VWDE: variants seen among roughly 807,000 people sequenced by gnomAD.
VWDE encodes the protein von Willebrand factor D and EGF domains.
A neutral mutation model predicts 178.4 loss-of-function variants in VWDE; 207 were observed. The ratio of observed to expected loss-of-function variants is 1.16; its 90% confidence interval spans 1.04 to 1.30. VWDE has a LOEUF of 1.30. VWDE is among the 50% of genes most tolerant of loss of function. The pLI is 0.00. For synonymous variants in VWDE, 738 were observed against 651.4 expected (o/e 1.13, Z -2.02); for missense variants, 2,287 against 1,901.3 (o/e 1.20, Z -3.77).
At chr7:12,347,663 G>C (rs1781680458) in intron 19 of VWDE, among the ~76,000 whole-genome samples, 1 of 152,048 alleles carries the variant, frequency 6.6e-6, no homozygotes, top group African/African-American at 2.4e-5. Flanking sequence ...GTAATTTATA[G>C]ATTCAATGCC....
intron 18 of VWDE, among the ~76,000 whole-genome samples, chr7:12,352,224 A>T (rs1031883600): frequency 2.5e-4 from 38 of 152,296 alleles, no homozygotes; most frequent in African/African-American, 8.9e-4. Flanking sequence ...ACCTTCCTTC[A>T]GTTGAATTCA....
At position 12,377,921 on chromosome 7, in the gene VWDE, C is replaced by A; in HGVS notation, c.880-1G>T. On this transcript the variant is annotated splice_acceptor_variant, in intron 6 of 28. Coordinates refer to ENST00000275358, the MANE Select transcript of VWDE (RefSeq NM_001135924.3). LOFTEE classifies it high-confidence loss of function. Reference sequence around the variant, plus strand: ...ATATAGTGCTCAATTCAGGCTGTAGCTGGTATAAGAAAATACGTAGAAAAA... The same window carrying A: ...ATATAGTGCTCAATTCAGGCTGTAGATGGTATAAGAAAATACGTAGAAAAA... 1 of 1,394,202 alleles carries A rather than the reference C, an allele frequency of 7.2e-7. No homozygotes were observed. The highest frequency in any genetic ancestry group is 1.9e-5 in the South Asian group (1 of 53,356). 86.4% of individuals were successfully genotyped at this position (1,394,202 alleles called of 1,614,324 possible).
chr7:12,360,035 T>A lies in VWDE; in HGVS notation c.3160-343A>T, dbSNP rs1455251613. Among the ~76,000 whole-genome samples, 9 of 152,168 alleles carry A rather than the reference T, an allele frequency of 5.9e-5. No homozygotes were observed. The East Asian group carries it at 1.7e-3, about 29-fold the overall frequency. ...TTATTCATAAAGAAATAAAACCAAC[T>A]TCTTTTTTTTCCTCCACAATTTATA... On this transcript the variant is annotated intron_variant, in intron 15 of 28. Coordinates refer to ENST00000275358, the MANE Select transcript of VWDE (RefSeq NM_001135924.3).
intron 19 of VWDE, among the ~76,000 whole-genome samples, chr7:12,347,485 TA>T (rs1474707920): frequency 6.6e-6 from 1 of 152,082 alleles, no homozygotes; most frequent in Non-Finnish European, 1.5e-5. Context: ...TTACAGATAC[TA>T]AAATGTAGTA....
chr7:12,356,128 C>A lies in VWDE; in HGVS notation c.3728G>T (p.Cys1243Phe), dbSNP rs932962306. ...AATCTTACCTTTGAGCTCAGGTGGACAATCACAGGAATAACTGTGAAAACC... is the reference window on the plus strand; with the variant it reads ...AATCTTACCTTTGAGCTCAGGTGGAAAATCACAGGAATAACTGTGAAAACC... ...ISGFHSYSCD[C>F]PPELKVETQF... The change falls in exon 18 of 29, where the codon TGT becomes TTT. Residue 1243 changes from cysteine to phenylalanine, a missense_variant. Coordinates refer to ENST00000275358, the MANE Select transcript of VWDE (RefSeq NM_001135924.3). 12 of 1,551,060 alleles carry A rather than the reference C, an allele frequency of 7.7e-6. No individual in the cohort carries two copies. The highest frequency in any genetic ancestry group is 1.0e-5 in the Non-Finnish European group (12 of 1,146,928).
At chr7:12,397,250 C>A (rs915057630) in intron 1 of VWDE, among the ~76,000 whole-genome samples, 1 of 151,972 alleles carries the variant, frequency 6.6e-6, no homozygotes, top group Admixed American at 6.6e-5. Context: ...GAATAGAGAA[C>A]CCAAAAATAA....
chr7:12,402,862 ATGT>A (rs1784972565), intron 1 of VWDE, among the ~76,000 whole-genome samples: 2 of 152,156 alleles, frequency 1.3e-5, no homozygotes, highest in South Asian at 2.1e-4. Flanking sequence ...ACTGCTATAA[ATGT>A]TGTACATAAT....
At chr7:12,397,146 C>T (rs560817234) in intron 1 of VWDE, among the ~76,000 whole-genome samples, 18 of 152,150 alleles carry the variant, frequency 1.2e-4, no homozygotes, top group Non-Finnish European at 2.4e-4. Context: ...AAGCCTGAGG[C>T]ATTACATTAC....
At chr7:12,337,122 AC>A in intron 25 of VWDE, 39 bp from the exon 26 acceptor site, 1 of 1,551,424 alleles carries the variant, frequency 6.4e-7, no homozygotes. Context: ...CTTAAATTCA[AC>A]AGTTTTGTCT....
In VWDE at chr7:12,337,212, C is replaced by G; in HGVS notation, c.4427G>C (p.Cys1476Ser). 6.4e-7 allele frequency: 1 copy of G among 1,551,982 alleles called. No individual in the cohort carries two copies. Among genetic ancestry groups the G allele is most frequent in the Non-Finnish European group, 8.7e-7 (1 of 1,147,034 alleles). ...TCTCCTACCAGTGTATCCTTCACGA[C>G]AGACGCACACATTATTTCTCATGCA... ...GHCMRNNVCV[C>S]REGYTGRRFQ... is the part of the protein sequence containing the mutation. Residue 1476 changes from cysteine to serine, a missense_variant, in exon 25 of 29, where the codon TGT (cysteine) becomes TCT (serine). Transcript: ENST00000275358.
At chr7:12,349,236 A>AATAAATAC (rs5882356) in intron 19 of VWDE, among the ~76,000 whole-genome samples, 36,242 of 83,908 alleles carry the variant, frequency 0.43, 4,898 homozygotes, top group Admixed American at 0.5. Context: ...TAATCATAAT[A>AATAAATAC]ATAAATAAAT....
chr7:12,354,284 C>A, intron 18 of VWDE: 1 of 364,874 alleles, frequency 2.7e-6, no homozygotes, highest in Non-Finnish European at 5.3e-6. Context: ...AAAACAGAAA[C>A]TATGCTATTA....
intron 18 of VWDE, among the ~76,000 whole-genome samples, chr7:12,352,550 T>G (rs1164539664): frequency 2.0e-5 from 3 of 152,228 alleles, no homozygotes; most frequent in African/African-American, 7.2e-5. Flanking sequence ...AATGAAGTTT[T>G]TATTGAAGAA....
chr7:12,344,462 A>T lies in VWDE; in HGVS notation c.3894T>A (p.Cys1298Ter), dbSNP rs1161796696. The change falls in exon 20 of 29, where the codon TGT (cysteine) becomes TGA (stop). Residue 1298 changes from cysteine (C) to a stop codon, truncating the protein, a stop_gained. Coordinates refer to ENST00000275358, the MANE Select transcript of VWDE (RefSeq NM_001135924.3). LOFTEE classifies it high-confidence loss of function. ...KPTSGNAFTI[C>*]KYPCGKSREC... ...CCCTACTTTTTCCACATGGATATTT[A>T]CAAATGGCTAAAAAAAAATCAAAGA... 1.3e-6 allele frequency: 2 copies of T among 1,547,984 alleles called. No individual in the cohort carries two copies. The highest frequency in any genetic ancestry group is 1.7e-6 in the Non-Finnish European group (2 of 1,145,628).
Position 12,403,803 on chromosome 7 carries a change from T to A in VWDE, c.-87A>T. The A allele has an allele frequency of 1.4e-6, 2 of 1,405,918 alleles. No individual in the cohort carries two copies. The highest frequency in any genetic ancestry group is 2.0e-6 in the Non-Finnish European group (2 of 1,022,774). 87.1% of individuals were successfully genotyped at this position (1,405,918 alleles called of 1,614,324 possible). The stretch of plus-strand genomic sequence containing the variant: ...TGGGGCCACAGCAGCCCCTCGGGCC[T>A]CCTTTCTTGGATTTTCTCAGTCTGT... On this transcript the variant is annotated 5_prime_UTR_variant, in exon 1 of 29. Transcript: ENST00000275358.
In VWDE at chr7:12,344,362, G is replaced by T. The variant is rs368736806; in HGVS notation, c.3982+12C>A. 11 of 1,550,294 alleles carry T rather than the reference G, an allele frequency of 7.1e-6. No homozygotes were observed. Among genetic ancestry groups the T allele is most frequent in the African/African-American group, 1.4e-5 (1 of 72,946 alleles). On this transcript the variant is annotated intron_variant, in intron 20 of 28. Coordinates refer to ENST00000275358, the MANE Select transcript of VWDE (RefSeq NM_001135924.3). ...CAATTTATCATGCAAACTAATGAAT[G>T]ATGTTACCTACCAGTTTGGCAGTTA...
At chr7:12,388,904 G>A in intron 3 of VWDE, 1 of 691,626 alleles carries the variant, frequency 1.4e-6, no homozygotes. Context: ...AATGTGAGAT[G>A]TCTGTTTTGA....
At chr7:12,344,561 GA>G in intron 19 of VWDE, 92 bp from the exon 20 acceptor site, 1 of 989,248 alleles carries the variant, frequency 1.0e-6, no homozygotes, top group Non-Finnish European at 1.5e-6. Context: ...AAAAGTCTCT[GA>G]AGTTTGAATA....
chr7:12,388,924 G>C (rs848019), intron 3 of VWDE: 1 of 702,196 alleles, frequency 1.4e-6, no homozygotes, highest in Non-Finnish European at 2.7e-6. Flanking sequence ...ATGCTTTCAC[G>C]TGTGGGGGGA....
Sources: allele counts gnomAD v4.1 joint callset (sites outside exome capture counted in the v4.1 genomes callset), GRCh38; gene constraint gnomAD v4.1.1; transcripts MANE v1.5; gene names NCBI Gene and HGNC (gene_info 2026-07-23, HGNC 2026-07-21).